CERS3: variants seen among roughly 807,000 people sequenced by gnomAD.
CERS3 encodes the protein LAG1 homolog, ceramide synthase 3.
CERS3 carries 33 observed loss-of-function variants against 50.3 expected under a neutral mutation model. The ratio of observed to expected loss-of-function variants is 0.66; its 90% CI spans 0.50 to 0.88. The LOEUF is 0.88. Among genes scored for constraint, CERS3 ranks in the 40% least tolerant of loss-of-function variants. The pLI is 0.00. For synonymous variants in CERS3, 176 were observed against 155.2 expected (o/e 1.13, Z -0.99); for missense variants, 470 against 460.3 (o/e 1.02, Z -0.19).
chr15:100,404,333 GA>G (rs2030810619), intron 11 of CERS3, among the ~76,000 whole-genome samples: 1 of 152,084 alleles, frequency 6.6e-6, no homozygotes, highest in South Asian at 2.1e-4. Flanking sequence ...ATTAAAAACT[GA>G]AATTTAAAAA....
At chr15:100,437,599 C>T (rs189159130) in intron 11 of CERS3, among the ~76,000 whole-genome samples, 35 of 152,310 alleles carry the variant, frequency 2.3e-4, no homozygotes, top group South Asian at 1.0e-3. Context: ...TGCCCGACAA[C>T]GACTCATTCC....
In CERS3 at chr15:100,497,302, A is replaced by ATGTGTG. The variant is rs1236454887; in HGVS notation, c.173+4374_173+4375insCACACA. 2.3e-3 allele frequency among the ~76,000 whole-genome samples: 311 copies of ATGTGTG among 133,626 alleles called. 5 individuals are homozygous for ATGTGTG. Among genetic ancestry groups the ATGTGTG allele is most frequent in the African/African-American group, 8.2e-3 (294 of 35,676 alleles). The allele number at this position is 133,626 out of a possible 152,430, so 87.7% of individuals were successfully genotyped here. A position where few individuals can be genotyped will look rare whatever the true frequency, so the allele number is the denominator to read the frequency against. On this transcript the variant is annotated intron_variant, in intron 3 of 11. Coordinates refer to ENST00000679737, the MANE Select transcript of CERS3 (RefSeq NM_001378789.1). The stretch of plus-strand genomic sequence containing the variant: ...ACACACACAGAGAGAGAGAGCATAT[A>ATGTGTG]TGTATGTGTGTGTGTGTGTGTGTGT...
At chr15:100,471,369 G>T (rs1442647572) in intron 9 of CERS3, among the ~76,000 whole-genome samples, 1 of 152,084 alleles carries the variant, frequency 6.6e-6, no homozygotes, top group Non-Finnish European at 1.5e-5. Flanking sequence ...TAAGTGATTT[G>T]TCCAAGTTAC....
At chr15:100,504,114 C>T (rs966074327) in intron 2 of CERS3, among the ~76,000 whole-genome samples, 3 of 152,118 alleles carry the variant, frequency 2.0e-5, no homozygotes, top group African/African-American at 4.8e-5. Context: ...AGAATTGAAC[C>T]CTGGTGAGAT....
chr15:100,525,349 A>G (rs575434446), intron 1 of CERS3, among the ~76,000 whole-genome samples: 1 of 152,364 alleles, frequency 6.6e-6, no homozygotes. Context: ...ATAAATAACC[A>G]GAACCCTTTA....
chr15:100,519,309 A>G (rs898856347), intron 2 of CERS3, among the ~76,000 whole-genome samples: 1 of 152,196 alleles, frequency 6.6e-6, no homozygotes, highest in Non-Finnish European at 1.5e-5. Flanking sequence ...CTTCACTCCC[A>G]TCCCCACCTT....
At chr15:100,444,546 C>A (rs2033851025) in intron 11 of CERS3, among the ~76,000 whole-genome samples, 1 of 152,202 alleles carries the variant, frequency 6.6e-6, no homozygotes, top group African/African-American at 2.4e-5. Flanking sequence ...TGCTATAGTA[C>A]AAGCCGCTAG....
At chr15:100,483,787 A>ATTATTATTATTTTTTTTTTTTTTTTT (rs760594142) in intron 5 of CERS3, among the ~76,000 whole-genome samples, 1 of 100,026 alleles carries the variant, frequency 1.0e-5, no homozygotes, top group African/African-American at 3.8e-5. Context: ...TATTATTATT[A>ATTATTATTATTTTTTTTTTTTTTTTT]TTTTTTTTTT....
At chr15:100,413,951 A>T (rs193263364) in intron 11 of CERS3, among the ~76,000 whole-genome samples, 8 of 152,296 alleles carry the variant, frequency 5.3e-5, no homozygotes, top group Non-Finnish European at 1.0e-4. Context: ...AATAGTAATA[A>T]AACACCTGCC....
chr15:100,501,902 G>T, intron 2 of CERS3, 52 bp from the exon 3 acceptor site: 1 of 1,573,462 alleles, frequency 6.4e-7, no homozygotes, highest in Admixed American at 1.7e-5. Context: ...CGTAACTTTA[G>T]GATAACATTG....
chr15:100,533,410 T>C (rs2036989231), upstream of CERS3, among the ~76,000 whole-genome samples: 1 of 152,176 alleles, frequency 6.6e-6, no homozygotes, highest in Non-Finnish European at 1.5e-5. Context: ...TATGTATCTA[T>C]ATATTTGCCA....
chr15:100,419,620 A>G (rs981452744), intron 11 of CERS3, among the ~76,000 whole-genome samples: 61 of 150,070 alleles, frequency 4.1e-4, no homozygotes, highest in African/African-American at 1.5e-3. Flanking sequence ...CCAAATCAAC[A>G]GAATATACAT....
chr15:100,483,930 G>A (rs1330191542), intron 5 of CERS3, among the ~76,000 whole-genome samples: 1 of 150,882 alleles, frequency 6.6e-6, no homozygotes, highest in East Asian at 2.0e-4. Flanking sequence ...ACAGGCGCCC[G>A]CCACCACGCC....
At chr15:100,455,200 T>A (rs1333110713) in intron 11 of CERS3, among the ~76,000 whole-genome samples, 1 of 151,734 alleles carries the variant, frequency 6.6e-6, no homozygotes, top group Non-Finnish European at 1.5e-5. Context: ...AAAAACTAAA[T>A]GTAGAACTAC....
chr15:100,406,283 A>G (rs534580933), intron 11 of CERS3, among the ~76,000 whole-genome samples: 1 of 152,348 alleles, frequency 6.6e-6, no homozygotes, highest in Admixed American at 6.5e-5. Context: ...AAAAAAAGAT[A>G]TGGAAGATGA....
intron 5 of CERS3, among the ~76,000 whole-genome samples, chr15:100,481,794 A>G (rs1162862057): frequency 2.0e-5 from 3 of 152,250 alleles, no homozygotes; most frequent in Non-Finnish European, 2.9e-5. Context: ...GTTTCTGGAC[A>G]AATCCTACTC....
At chr15:100,476,359 T>C (rs1206290368) in intron 7 of CERS3, among the ~76,000 whole-genome samples, 181 bp from the exon 8 acceptor site, 1 of 152,224 alleles carries the variant, frequency 6.6e-6, no homozygotes, top group Non-Finnish European at 1.5e-5. Context: ...GGCATTTTAT[T>C]TCTAAAAGGG....
chr15:100,451,249 A>C (rs1407732233), intron 11 of CERS3, among the ~76,000 whole-genome samples: 1 of 151,800 alleles, frequency 6.6e-6, no homozygotes, highest in East Asian at 1.9e-4. Context: ...AACAACTAGA[A>C]ATTAATTAAT....
chr15:100,423,052 A>G (rs2411370), intron 11 of CERS3, among the ~76,000 whole-genome samples: 84,133 of 149,686 alleles, frequency 0.56, 23,939 homozygotes, highest in Non-Finnish European at 0.6. Flanking sequence ...TAACCTGCAC[A>G]TTGTGCACAT....
Sources: allele counts gnomAD v4.1 joint callset (sites outside exome capture counted in the v4.1 genomes callset), GRCh38; gene constraint gnomAD v4.1.1; transcripts MANE v1.5; gene names NCBI Gene and HGNC (gene_info 2026-07-23, HGNC 2026-07-21).